Variants in APCDD1L observed in about 807,000 individuals in gnomAD.
The protein encoded by APCDD1L is protein APCDD1-like.
Under a neutral mutation model 24.2 loss-of-function variants are expected in APCDD1L, and 21 were observed. The observed-to-expected ratio is 0.87, with a 90% confidence interval of 0.61 to 1.25. The LOEUF is 1.25. Among genes scored for constraint, APCDD1L ranks in the 50% most tolerant of loss-of-function variants. The pLI is 0.00. For missense variants in APCDD1L, 704 were observed against 711.7 expected (o/e 0.99, Z 0.12); for synonymous variants, 321 against 323.6 (o/e 0.99, Z 0.09).
intron 1 of APCDD1L, among the ~76,000 whole-genome samples, chr20:58,484,855 C>T (rs1374055580): frequency 2.0e-5 from 3 of 152,150 alleles, no homozygotes; most frequent in Admixed American, 6.5e-5. Context: ...TCTCTTCCTA[C>T]CCCGAAGCCT....
intron 3 of APCDD1L, among the ~76,000 whole-genome samples, chr20:58,466,311 A>G (rs1219043222): frequency 1.3e-5 from 2 of 152,122 alleles, no homozygotes; most frequent in Non-Finnish European, 2.9e-5. Flanking sequence ...CACACCCCGG[A>G]CAGCTTGCTG....
At chr20:58,502,026 T>G (rs943323412) in intron 1 of APCDD1L, among the ~76,000 whole-genome samples, 3 of 152,152 alleles carry the variant, frequency 2.0e-5, no homozygotes, top group African/African-American at 7.2e-5. Context: ...ATAGCCCACC[T>G]CCCTGGTCAC....
rs1990292332 is a variant in APCDD1L, at chr20:58,494,922, C to T, written c.49+19737G>A. Among the ~76,000 whole-genome samples the T allele has an allele frequency of 1.3e-5, 2 of 152,148 alleles. No individual in the cohort carries two copies. The highest frequency in any genetic ancestry group is 1.3e-4 in the Admixed American group (2 of 15,286). Reference sequence around the variant, plus strand: ...CTTTTTGGGCCTTCTGGCTCATTCTCCTCCTTCAGCTCAAGCGTCTCCTCT... The same window carrying T: ...CTTTTTGGGCCTTCTGGCTCATTCTTCTCCTTCAGCTCAAGCGTCTCCTCT... On this transcript the variant is annotated intron_variant, in intron 1 of 3. Coordinates refer to ENST00000371149, the MANE Select transcript of APCDD1L (RefSeq NM_153360.3). The surrounding 1 kb of genome is among the most constrained non-coding windows in gnomAD (Gnocchi z 4.8).
At position 58,515,053 on chromosome 20, in the gene APCDD1L, T is replaced by C; in HGVS notation, c.-346A>G. 4.3e-6 allele frequency: 1 copy of C among 234,864 alleles called. No homozygotes were observed. The highest frequency in any genetic ancestry group is 8.2e-6 in the Non-Finnish European group (1 of 122,278). 14.5% of individuals were successfully genotyped at this position (234,864 alleles called of 1,614,324 possible). ...GATGTCCGTCCCCTGGCCGTCGCCT[T>C]CCCCAAAGTCTTCGCAGTGGGCAAG... On this transcript the variant is annotated 5_prime_UTR_variant, in exon 1 of 4. Transcript: ENST00000371149.
intron 2 of APCDD1L, among the ~76,000 whole-genome samples, chr20:58,468,176 TAATA>T (rs1989752733): frequency 6.6e-6 from 1 of 151,994 alleles, no homozygotes; most frequent in South Asian, 2.1e-4. Flanking sequence ...AAGGGCTGAG[TAATA>T]AATATTTTTG....
Position 58,461,252 on chromosome 20 carries a change from G to T in APCDD1L, c.1044C>A (p.Gly348=), listed in dbSNP as rs752961946. ...GTGTGACCTCAAACACCAGCTCGGT[G>T]CCGCCGCGGACCCTGGTGGATGGCG... ...RGTPSTRVRG[G]TELVFEVTRA... Residue 348 remains glycine (G), a synonymous_variant, in exon 4 of 4, where the codon GGC becomes GGA. Coordinates refer to ENST00000371149, the MANE Select transcript of APCDD1L (RefSeq NM_153360.3). This position sits in a 1 kb window ranked among gnomAD's most constrained non-coding sequence, Gnocchi z 6.0. 3.7e-6 allele frequency: 6 copies of T among 1,613,456 alleles called. No individual in the cohort carries two copies. Among genetic ancestry groups the T allele is most frequent in the Non-Finnish European group, 4.2e-6 (5 of 1,179,830 alleles).
chr20:58,493,213 A>G (rs1990257245), intron 1 of APCDD1L, among the ~76,000 whole-genome samples: 1 of 152,272 alleles, frequency 6.6e-6, no homozygotes, highest in South Asian at 2.1e-4. Flanking sequence ...ACATGCACAT[A>G]ATGGAAACAA....
At chr20:58,468,975 A>G (rs1370224553) in intron 2 of APCDD1L, among the ~76,000 whole-genome samples, 2 of 152,094 alleles carry the variant, frequency 1.3e-5, no homozygotes, top group Non-Finnish European at 2.9e-5. Flanking sequence ...TGTTGAGGGG[A>G]AATTCTCTGG....
chr20:58,470,048 T>C (rs2123140326), intron 2 of APCDD1L, among the ~76,000 whole-genome samples: 1 of 152,284 alleles, frequency 6.6e-6, no homozygotes, highest in African/African-American at 2.4e-5. Flanking sequence ...TAGACAGAAT[T>C]AGATGGGTGC....
intron 1 of APCDD1L, among the ~76,000 whole-genome samples, chr20:58,501,033 C>T (rs62204182): frequency 2.0e-5 from 3 of 152,158 alleles, no homozygotes; most frequent in Non-Finnish European, 4.4e-5. Context: ...TAAAGATGAA[C>T]CCCTGGGAAC....
At chr20:58,489,678 T>G (rs1990187726) in intron 1 of APCDD1L, among the ~76,000 whole-genome samples, 1 of 124,892 alleles carries the variant, frequency 8.0e-6, no homozygotes, top group South Asian at 2.7e-4. Flanking sequence ...GAGCGAAACT[T>G]TGTGTGGAAA....
At chr20:58,485,592 G>A (rs1287629897) in intron 1 of APCDD1L, among the ~76,000 whole-genome samples, 1 of 152,118 alleles carries the variant, frequency 6.6e-6, no homozygotes, top group Non-Finnish European at 1.5e-5. Flanking sequence ...TCTGGCTCAA[G>A]TCACCATCAT....
chr20:58,504,223 T>C lies in APCDD1L; in HGVS notation c.49+10436A>G, dbSNP rs913015362. On this transcript the variant is annotated intron_variant, in intron 1 of 3. Transcript: ENST00000371149. ...CTAATGGTATCAACAAGTAGCCCAA[T>C]GCATCTCCCTGGCTTTGGTAAAGGA... Among the ~76,000 whole-genome samples, 5 of 152,302 alleles carry C rather than the reference T, an allele frequency of 3.3e-5. No homozygotes were observed. In the East Asian group the frequency reaches 9.7e-4, roughly 29 times the overall value.
rs1469186188 is a variant in APCDD1L at position 58,497,831 on chromosome 20, T to C, written c.49+16828A>G. ...GGTGGAGAAGGGACCTTGTGCGGCC[T>C]CTATTAATAGATTCTCATATTAAAA... On this transcript the variant is annotated intron_variant, in intron 1 of 3. Coordinates refer to ENST00000371149, the MANE Select transcript of APCDD1L (RefSeq NM_153360.3). The surrounding 1 kb of genome is among the most constrained non-coding windows in gnomAD (Gnocchi z 4.3). 1.3e-5 allele frequency among the ~76,000 whole-genome samples: 2 copies of C among 152,188 alleles called. No homozygotes were observed. Among genetic ancestry groups the C allele is most frequent in the African/African-American group, 4.8e-5 (2 of 41,440 alleles).
Position 58,461,049 on chromosome 20 carries a change from A to G in APCDD1L, c.1247T>C (p.Met416Thr), listed in dbSNP as rs1302124464. The G allele has an allele frequency of 1.9e-6, 3 of 1,614,086 alleles. No homozygotes were observed. The highest frequency in any genetic ancestry group is 2.5e-6 in the Non-Finnish European group (3 of 1,179,978). ...LPHVEYELFK[M>T]EQDPLGQSLL... ...GCTTTGCCCGAGGGGGTCTTGTTCC[A>G]TCTTGAAAAGCTCGTACTCCACATG... The change falls in exon 4 of 4, where the codon ATG becomes ACG. Residue 416 changes from methionine to threonine, a missense_variant. By Grantham distance (81) the Met-to-Thr change is moderately conservative (BLOSUM62 -1). Coordinates refer to ENST00000371149, the MANE Select transcript of APCDD1L (RefSeq NM_153360.3). The surrounding 1 kb of genome is among the most constrained non-coding windows in gnomAD (Gnocchi z 6.0).
intron 1 of APCDD1L, among the ~76,000 whole-genome samples, chr20:58,476,127 C>A (rs1466208800): frequency 6.6e-6 from 1 of 152,180 alleles, no homozygotes; most frequent in African/African-American, 2.4e-5. Context: ...AAATTGAGGT[C>A]CCCCAGGTGA....
chr20:58,508,512 G>A lies in APCDD1L; in HGVS notation c.49+6147C>T, dbSNP rs1448924753. Among the ~76,000 whole-genome samples the A allele has an allele frequency of 6.6e-6, 1 of 152,168 alleles. No homozygotes were observed. The highest frequency in any genetic ancestry group is 1.5e-5 in the Non-Finnish European group (1 of 68,038). ...GCCCCCTGAAGTGGTTGACATCCTC[G>A]ATTAGATGTTGGCATTGGTGGTGGG... On this transcript the variant is annotated intron_variant, in intron 1 of 3. Coordinates refer to ENST00000371149, the MANE Select transcript of APCDD1L (RefSeq NM_153360.3). The surrounding 1 kb of genome is among the most constrained non-coding windows in gnomAD (Gnocchi z 4.0).
At chr20:58,489,274 C>A (rs557926135) in intron 1 of APCDD1L, among the ~76,000 whole-genome samples, 1 of 152,104 alleles carries the variant, frequency 6.6e-6, no homozygotes, top group Non-Finnish European at 1.5e-5. Flanking sequence ...CAGTGGCTCA[C>A]GCCTGTAATC....
At chr20:58,481,299 A>G (rs1429824271) in intron 1 of APCDD1L, among the ~76,000 whole-genome samples, 1 of 152,240 alleles carries the variant, frequency 6.6e-6, no homozygotes, top group Non-Finnish European at 1.5e-5. Flanking sequence ...TCTATAGAAC[A>G]GGACTTCGGC....
Sources: gnomAD v4.1 joint callset for allele counts (sites outside exome capture counted in the v4.1 genomes callset) on GRCh38, gnomAD v4.1.1 for gene constraint, Gnocchi (gnomAD v3.1) non-coding constraint, MANE v1.5 for transcripts, NCBI Gene and HGNC (gene_info 2026-07-23, HGNC 2026-07-21) for gene names.